CD6: variants seen among roughly 807,000 people sequenced by gnomAD.
The protein encoded by CD6 is CD6 molecule.
A neutral mutation model predicts 75.3 loss-of-function variants in CD6; 53 were observed. That is an observed-to-expected ratio of 0.70 (90% CI 0.56 to 0.88). The LOEUF is 0.88. CD6 is among the 40% of genes least tolerant of loss of function. The pLI, the probability that CD6 is intolerant of heterozygous loss-of-function variation, is 0.00. For synonymous variants in CD6, 359 were observed against 381.5 expected (o/e 0.94, Z 0.69); for missense variants, 770 against 897.1 (o/e 0.86, Z 1.81).
chr11:60,992,137 C>A (rs904608632), intron 1 of CD6, among the ~76,000 whole-genome samples: 1 of 152,104 alleles, frequency 6.6e-6, no homozygotes, highest in Non-Finnish European at 1.5e-5. Flanking sequence ...ACCTTGGCCT[C>A]CCAAAGTGCT....
At position 61,007,478 on chromosome 11, in the gene CD6, C is replaced by T. The variant is rs1418146176; in HGVS notation, c.119-82C>T. 2 of 1,120,390 alleles carry T rather than the reference C, an allele frequency of 1.8e-6. No homozygotes were observed. The highest frequency in any genetic ancestry group is 2.4e-6 in the Non-Finnish European group (2 of 842,646). 69.4% of individuals were successfully genotyped at this position (1,120,390 alleles called of 1,614,324 possible). ...AGCCAGGCAGGGCGTTGTCAAAGTTCACGCACAGAGTCAGTGGCAGAGCCT... is the reference window on the plus strand; with the variant it reads ...AGCCAGGCAGGGCGTTGTCAAAGTTTACGCACAGAGTCAGTGGCAGAGCCT... On this transcript the variant is annotated intron_variant, in intron 2 of 12. Transcript: ENST00000313421. The surrounding 1 kb of genome is among the most constrained non-coding windows in gnomAD (Gnocchi z 4.2).
At chr11:61,015,860 G>C in intron 9 of CD6, 25 bp downstream of exon 9, 1 of 1,612,796 alleles carries the variant, frequency 6.2e-7, no homozygotes, top group South Asian at 1.1e-5. Context: ...GGGCTCCCGA[G>C]GGCCCACCTA....
rs1045279350 is a variant in CD6 at position 61,019,838 on chromosome 11, G to A, written c.*520G>A. ...GATCGGTGGGCGCTGGGGGGGTAGG[G>A]TAGCACACCAGCTGTCCCAGGCTTT... is the stretch of plus-strand genomic sequence containing the variant. On this transcript the variant is annotated 3_prime_UTR_variant, in exon 13 of 13. Transcript: ENST00000313421. 28 of 237,800 alleles carry A rather than the reference G, an allele frequency of 1.2e-4. No homozygotes were observed. Among genetic ancestry groups the A allele is most frequent in the Non-Finnish European group, 1.7e-4 (21 of 124,784 alleles). 14.7% of individuals were successfully genotyped at this position (237,800 alleles called of 1,614,324 possible).
intron 1 of CD6, among the ~76,000 whole-genome samples, chr11:60,972,305 C>T (rs1054589768): frequency 2.0e-4 from 30 of 152,296 alleles, no homozygotes; most frequent in African/African-American, 6.7e-4. Context: ...GTACTTTCAA[C>T]GCCAAAGCTG....
intron 1 of CD6, among the ~76,000 whole-genome samples, chr11:60,997,104 G>A (rs981658014): frequency 1.1e-3 from 162 of 152,272 alleles, no homozygotes; most frequent in African/African-American, 3.5e-3. Context: ...GGCTGGGCAT[G>A]GTGGCTCATG....
intron 1 of CD6, among the ~76,000 whole-genome samples, chr11:60,998,859 A>G (rs1328939479): frequency 6.6e-6 from 1 of 151,962 alleles, no homozygotes; most frequent in East Asian, 1.9e-4. Flanking sequence ...GAAAAAAAAA[A>G]AAAAAAAAAG....
At chr11:61,006,441 A>G in intron 1 of CD6, 133 bp from the exon 2 acceptor site, 1 of 674,318 alleles carries the variant, frequency 1.5e-6, no homozygotes, top group Non-Finnish European at 2.6e-6. Flanking sequence ...CCCAAAGTTG[A>G]GGACCACGTC....
Position 61,009,774 on chromosome 11 carries a change from C to T in CD6, c.984C>T (p.Tyr328=). Residue 328 remains tyrosine (Y), a synonymous_variant, in exon 5 of 13, where the codon TAC becomes TAT. Coordinates refer to ENST00000313421, the MANE Select transcript of CD6 (RefSeq NM_006725.5). ...LPHSLSGRMY[Y]SCNGEELTLS... ...ACTCCTTGTCCGGCAGGATGTACTA[C>T]TCATGCAATGGGGAGGAGCTCACCC... The T allele has an allele frequency of 1.9e-6, 3 of 1,613,408 alleles. No homozygotes were observed. The highest frequency in any genetic ancestry group is 1.7e-5 in the Admixed American group (1 of 59,958).
At chr11:60,980,483 C>T (rs940854436) in intron 1 of CD6, among the ~76,000 whole-genome samples, 3 of 151,592 alleles carry the variant, frequency 2.0e-5, no homozygotes, top group African/African-American at 7.3e-5. Context: ...GCCTGGACAA[C>T]GGAGCAAGAC....
At chr11:60,979,276 GA>G (rs1019785336) in intron 1 of CD6, among the ~76,000 whole-genome samples, 60 of 152,252 alleles carry the variant, frequency 3.9e-4, no homozygotes, top group African/African-American at 1.4e-3. Context: ...AGGTCCTAGG[GA>G]CCCTGGAAGT....
chr11:61,012,234 G>A (rs985253147), intron 6 of CD6, among the ~76,000 whole-genome samples: 1 of 152,184 alleles, frequency 6.6e-6, no homozygotes, highest in African/African-American at 2.4e-5. Context: ...ACCTGCACAC[G>A]CTTTCTCTTC....
chr11:61,009,421 G>A (rs1859033907), intron 4 of CD6, 151 bp from the exon 5 acceptor site: 3 of 706,322 alleles, frequency 4.2e-6, no homozygotes, highest in East Asian at 2.8e-5. Context: ...AAATGGGGCA[G>A]GTGACAGGGG....
chr11:60,992,266 C>A (rs1187762912), intron 1 of CD6, among the ~76,000 whole-genome samples: 1 of 151,956 alleles, frequency 6.6e-6, no homozygotes, highest in Non-Finnish European at 1.5e-5. Context: ...CTCAAGCAAT[C>A]CTCCTGCCTC....
chr11:61,019,765 C>T lies in CD6; in HGVS notation c.*447C>T, dbSNP rs1859586897. On this transcript the variant is annotated 3_prime_UTR_variant, in exon 13 of 13. Transcript: ENST00000313421. Reference sequence around the variant, plus strand: ...GCAGAACTGGACCCCCATGCCAGTGCTGCTGCAGGAGGGCCCATATACTAG... The same window carrying T: ...GCAGAACTGGACCCCCATGCCAGTGTTGCTGCAGGAGGGCCCATATACTAG... 1 of 167,936 alleles carries T rather than the reference C, an allele frequency of 6.0e-6. No individual in the cohort carries two copies. The highest frequency in any genetic ancestry group is 1.3e-5 in the Non-Finnish European group (1 of 78,650). The allele number at this position is 167,936 out of a possible 1,614,324, so 10.4% of individuals were successfully genotyped here.
intron 1 of CD6, among the ~76,000 whole-genome samples, chr11:60,974,039 T>C (rs1366867863): frequency 1.3e-5 from 2 of 152,012 alleles, no homozygotes; most frequent in East Asian, 1.9e-4. Flanking sequence ...TTGACCCACA[T>C]CTGCTTGTGG....
intron 1 of CD6, among the ~76,000 whole-genome samples, chr11:60,980,513 A>AAAAAAGTATT (rs2135013047): frequency 6.6e-6 from 1 of 152,052 alleles, no homozygotes; most frequent in East Asian, 1.9e-4. Flanking sequence ...AAAAAGAAAA[A>AAAAAAGTATT]AAAAAGTATT....
intron 1 of CD6, among the ~76,000 whole-genome samples, chr11:60,986,698 C>T (rs1052496458): frequency 2.0e-5 from 3 of 152,198 alleles, no homozygotes; most frequent in African/African-American, 4.8e-5. Flanking sequence ...CCGCTCTCAA[C>T]GCCCCTAATC....
intron 1 of CD6, among the ~76,000 whole-genome samples, chr11:60,983,174 G>A (rs975157375): frequency 2.0e-5 from 3 of 150,514 alleles, no homozygotes; most frequent in African/African-American, 7.4e-5. Flanking sequence ...TCGGCTCACT[G>A]CAACCTCCAC....
rs531175780 is a variant in CD6 at position 61,001,273 on chromosome 11, A to G, written c.50-5301A>G. Among the ~76,000 whole-genome samples, 5 of 134,348 alleles carry G rather than the reference A, an allele frequency of 3.7e-5. No homozygotes were observed. The South Asian group carries it at 1.1e-3, about 30-fold the overall frequency. The allele number at this position is 134,348 out of a possible 152,430, so 88.1% of individuals were successfully genotyped here. ...TAGAGCGTAGTAGTGGCGTGATCTC[A>G]GCTCACTGCAACCTCTGCCTCCTGG... On this transcript the variant is annotated intron_variant, in intron 1 of 12. Transcript: ENST00000313421.
Sources: gnomAD v4.1 joint callset for allele counts (sites outside exome capture counted in the v4.1 genomes callset) on GRCh38, gnomAD v4.1.1 for gene constraint, Gnocchi (gnomAD v3.1) non-coding constraint, MANE v1.5 for transcripts, NCBI Gene and HGNC (gene_info 2026-07-23, HGNC 2026-07-21) for gene names.